The following DNAH2 variants were observed in gnomAD, a reference collection of about 807,000 sequenced individuals.
DNAH2 encodes the protein axonemal beta dynein heavy chain 2.
Under a neutral mutation model 523.5 loss-of-function variants are expected in DNAH2, and 323 were observed. The observed-to-expected ratio is 0.62, with a 90% CI of 0.56 to 0.68. DNAH2 has a LOEUF of 0.68. DNAH2 is among the 30% of genes least tolerant of loss of function. DNAH2 has a pLI of 0.00. For missense variants in DNAH2, 4,907 were observed against 5,701.5 expected (o/e 0.86, Z 4.49); for synonymous variants, 2,093 against 2,177.4 (o/e 0.96, Z 1.08).
Position 7,817,434 on chromosome 17 carries a change from A to G in DNAH2, c.10020+19A>G. The G allele has an allele frequency of 6.2e-7, 1 of 1,613,824 alleles. No homozygotes were observed. The highest frequency in any genetic ancestry group is 1.1e-5 in the South Asian group (1 of 91,058). The stretch of plus-strand genomic sequence containing the variant: ...CGGGAAGGTGAGATGGGACTCAGGC[A>G]TGACAAGTAGGCTCCGAGACCAGGG... On this transcript the variant is annotated intron_variant, in intron 65 of 85. Coordinates refer to ENST00000572933, the MANE Select transcript of DNAH2 (RefSeq NM_020877.5).
chr17:7,724,480 G>A (rs530845949), intron 3 of DNAH2, among the ~76,000 whole-genome samples: 20 of 152,070 alleles, frequency 1.3e-4, no homozygotes, highest in African/African-American at 3.9e-4. Context: ...TTAGCAGGGT[G>A]TGGTGGCGGA....
At position 7,776,125 on chromosome 17, in the gene DNAH2, A is replaced by G. The variant is rs1340871238; in HGVS notation, c.4923A>G (p.Lys1641=). The G allele has an allele frequency of 6.2e-7, 1 of 1,613,798 alleles. No homozygotes were observed. The highest frequency in any genetic ancestry group is 1.1e-5 in the South Asian group (1 of 91,080). The change falls in exon 31 of 86, where the codon AAA becomes AAG. Residue 1641 remains lysine, a synonymous_variant. Transcript: ENST00000572933. ...ALRKFLNKRD[K]WVKEWAGQVV... is the part of the protein sequence containing the mutation. ...GGAAGTTCCTCAACAAGAGGGACAA[A>G]TGGGTGAAGGAGTGGGCTGGCCAGG...
Position 7,756,994 on chromosome 17 carries a change from A to T in DNAH2, c.1905-97A>T, listed in dbSNP as rs2075859450. Reference sequence around the variant, plus strand: ...CCTCTGCTTCATTTCTCATCTCGACATTTCCCTGTGCTTCCCAGCCTCTCC... The same window carrying T: ...CCTCTGCTTCATTTCTCATCTCGACTTTTCCCTGTGCTTCCCAGCCTCTCC... On this transcript the variant is annotated intron_variant, in intron 12 of 85. Coordinates refer to ENST00000572933, the MANE Select transcript of DNAH2 (RefSeq NM_020877.5). 1.9e-6 allele frequency: 3 copies of T among 1,546,982 alleles called. No individual in the cohort carries two copies. In the African/African-American group the frequency reaches 4.1e-5, roughly 21 times the overall value.
chr17:7,722,520 T>G (rs988975099), intron 2 of DNAH2, among the ~76,000 whole-genome samples: 15 of 152,178 alleles, frequency 9.9e-5, no homozygotes, highest in Non-Finnish European at 2.2e-4. Flanking sequence ...ACTTGTAAGT[T>G]GCATCAGAGC....
rs536692107 is a variant in DNAH2 at position 7,718,196 on chromosome 17, T to C, written c.-618T>C. The stretch of plus-strand genomic sequence containing the variant: ...GCAGTTCCTCCTGGGGCCTGCGGTG[T>C]GGGATCGCGTGGTGAACCCCACGGT... On this transcript the variant is annotated 5_prime_UTR_variant, in exon 1 of 86. Transcript: ENST00000572933. 2 of 152,264 alleles carry C rather than the reference T, an allele frequency of 1.3e-5. No individual in the cohort carries two copies. Among genetic ancestry groups the C allele is most frequent in the Admixed American group, 1.3e-4 (2 of 15,294 alleles). 9.4% of individuals were successfully genotyped at this position (152,264 alleles called of 1,614,324 possible). A position where few individuals can be genotyped will look rare whatever the true frequency, so the allele number is the denominator to read the frequency against.
rs781401330 is a variant in DNAH2, at chr17:7,824,205, G to A, written c.11563G>A (p.Ala3855Thr). The A allele has an allele frequency of 2.5e-6, 4 of 1,606,584 alleles. No homozygotes were observed. The East Asian group carries it at 8.9e-5, about 36-fold the overall frequency. Residue 3855 changes from alanine (A) to threonine (T), a missense_variant, in exon 76 of 86, where the codon GCA (alanine) becomes ACA (threonine). This residue lies in a region of DNAH2 where 1,851 missense variants were observed against 2,139.4 expected (regional missense o/e 0.87). Coordinates refer to ENST00000572933, the MANE Select transcript of DNAH2 (RefSeq NM_020877.5). Reference protein sequence around the residue: ...VDPTSALLQLAEHMGMAQRFH... With the variant: ...VDPTSALLQLTEHMGMAQRFH... The stretch of plus-strand genomic sequence containing the variant: ...CCCCACCAGTGCCCTGCTGCAGCTG[G>A]CAGAGCACATGGGCATGGCCCAGCG...
intron 63 of DNAH2, among the ~76,000 whole-genome samples, chr17:7,815,419 T>C (rs1009717907): frequency 6.6e-6 from 1 of 152,178 alleles, no homozygotes; most frequent in Non-Finnish European, 1.5e-5. Context: ...CCCCACCCCA[T>C]ATTCCTCATG....
Position 7,817,429 on chromosome 17 carries a change from C to T in DNAH2, c.10020+14C>T. The T allele has an allele frequency of 3.7e-6, 6 of 1,613,798 alleles. No homozygotes were observed. The highest frequency in any genetic ancestry group is 5.1e-6 in the Non-Finnish European group (6 of 1,179,974). ...TGGATCGGGAAGGTGAGATGGGACT[C>T]AGGCATGACAAGTAGGCTCCGAGAC... On this transcript the variant is annotated intron_variant, in intron 65 of 85. Coordinates refer to ENST00000572933, the MANE Select transcript of DNAH2 (RefSeq NM_020877.5).
chr17:7,779,860 G>C (rs1257311361), intron 36 of DNAH2, among the ~76,000 whole-genome samples: 1 of 152,126 alleles, frequency 6.6e-6, no homozygotes, highest in Admixed American at 6.6e-5. Context: ...ATTTCTATTA[G>C]GACTGATGAG....
intron 12 of DNAH2, among the ~76,000 whole-genome samples, chr17:7,755,529 G>A (rs942609463): frequency 6.6e-6 from 1 of 152,184 alleles, no homozygotes; most frequent in Non-Finnish European, 1.5e-5. Flanking sequence ...GAAGTAGGGA[G>A]GGGGTTAACA....
At chr17:7,808,856 A>G (rs904114281) in intron 63 of DNAH2, among the ~76,000 whole-genome samples, 1 of 152,176 alleles carries the variant, frequency 6.6e-6, no homozygotes, top group South Asian at 2.1e-4. Flanking sequence ...GTGATCTGCC[A>G]GCCTCAGCCT....
rs201527036 is a variant in DNAH2, at chr17:7,832,932, G to A, written c.12978+4G>A. ...CAACCTAGTGTATCCCCCCAAGGTG[G>A]GAGCCAGTTGTGCTTGGGGCTCTGA... is the stretch of plus-strand genomic sequence containing the variant. On this transcript the variant is annotated splice_donor_region_variant and intron_variant, in intron 84 of 85. Transcript: ENST00000572933. This position sits in a 1 kb window ranked among gnomAD's most constrained non-coding sequence, Gnocchi z 4.3. The A allele has an allele frequency of 3.1e-6, 5 of 1,614,174 alleles. No individual in the cohort carries two copies. The East Asian group carries it at 1.1e-4, about 36-fold the overall frequency.
intron 13 of DNAH2, 118 bp from the exon 14 acceptor site, chr17:7,758,377 T>C (rs1567648832): frequency 1.5e-6 from 2 of 1,310,554 alleles, no homozygotes; most frequent in Admixed American, 2.4e-5. Flanking sequence ...GTCTAGAATC[T>C]AGTCTAGAAT....
At chr17:7,720,376 C>T (rs1459655497) in intron 2 of DNAH2, among the ~76,000 whole-genome samples, 1 of 152,210 alleles carries the variant, frequency 6.6e-6, no homozygotes, top group East Asian at 1.9e-4. Context: ...GAGGGCTGTT[C>T]TATCTCCGCC....
Position 7,758,969 on chromosome 17 carries a change from C to T in DNAH2, c.2293C>T (p.Arg765Cys), listed in dbSNP as rs199949904. The T allele has an allele frequency of 3.5e-5, 57 of 1,614,130 alleles. 1 individual carries two copies. Among genetic ancestry groups the T allele is most frequent in the Middle Eastern group, 3.3e-4 (2 of 6,062 alleles). The change falls in exon 15 of 86, where the codon CGC becomes TGC. Residue 765 changes from arginine to cysteine, a missense_variant. Transcript: ENST00000572933. ...AGAGATGTCAGAGAAGCTGCTGGTACGCATTAGTGGCAAACGGGTATACAG... is the reference window on the plus strand; with the variant it reads ...AGAGATGTCAGAGAAGCTGCTGGTATGCATTAGTGGCAAACGGGTATACAG... ...AQEMSEKLLV[R>C]ISGKRVYRDL...
chr17:7,821,281 T>C lies in DNAH2; in HGVS notation c.11054T>C (p.Leu3685Pro). 1.9e-6 allele frequency: 3 copies of C among 1,613,936 alleles called. No homozygotes were observed. The highest frequency in any genetic ancestry group is 2.5e-6 in the Non-Finnish European group (3 of 1,179,894). Residue 3685 changes from leucine (L) to proline (P), a missense_variant, in exon 73 of 86, where the codon CTA becomes CCA. Leu to Pro is a moderately conservative substitution (Grantham distance 98). Coordinates refer to ENST00000572933, the MANE Select transcript of DNAH2 (RefSeq NM_020877.5). This position sits in a 1 kb window ranked among gnomAD's most constrained non-coding sequence, Gnocchi z 5.0. The stretch of plus-strand genomic sequence containing the variant: ...ACCCTTTTCGAACGCCACAAACTAC[T>C]ATTCAGTTTTCATATGTGTGCCAAA... ...CRTLFERHKL[L>P]FSFHMCAKIL...
chr17:7,818,549 G>C (rs1157349508), intron 69 of DNAH2, 89 bp downstream of exon 69: 1 of 1,602,242 alleles, frequency 6.2e-7, no homozygotes, highest in African/African-American at 1.3e-5. Context: ...GTGTTGGGCA[G>C]CTGAGGATGA....
intron 24 of DNAH2, 30 bp downstream of exon 24, chr17:7,768,297 C>T: frequency 6.2e-7 from 1 of 1,611,878 alleles, no homozygotes; most frequent in Non-Finnish European, 8.5e-7. Context: ...CCGGGGTGTC[C>T]ACTCTGCCCC....
At chr17:7,761,901 A>G (rs2076015330) in intron 18 of DNAH2, among the ~76,000 whole-genome samples, 1 of 148,940 alleles carries the variant, frequency 6.7e-6, no homozygotes. Flanking sequence ...GGCCATGAGG[A>G]GTTAAGAAAA....
Sources: allele counts gnomAD v4.1 joint callset (sites outside exome capture counted in the v4.1 genomes callset), GRCh38; gene constraint gnomAD v4.1.1; regional missense constraint gnomAD v4.1.1; non-coding constraint Gnocchi (gnomAD v3.1); transcripts MANE v1.5; gene names NCBI Gene and HGNC (gene_info 2026-07-23, HGNC 2026-07-21).